The following HERC1 variants were observed in gnomAD, a reference collection of about 807,000 sequenced individuals.
HERC1 encodes probable E3 ubiquitin-protein ligase HERC1.
In HERC1, 160 loss-of-function variants were observed where a neutral mutation model predicts 554.3. That is an observed-to-expected ratio of 0.29 (90% CI 0.25 to 0.33). The LOEUF (loss-of-function observed/expected upper bound fraction) is 0.33. HERC1 is among the 10% of genes least tolerant of loss of function. The pLI is 1.00. For missense variants in HERC1, 4,919 were observed against 5,918.5 expected (o/e 0.83, Z 5.54); for synonymous variants, 2,175 against 2,131.7 (o/e 1.02, Z -0.56).
At position 63,680,879 on chromosome 15, in the gene HERC1, C is replaced by A; in HGVS notation, c.6226-103G>T. ...AATATGTTTATAAATAATACTAATG[C>A]ATTTATGGAAACATGTTATTTTCAG... On this transcript the variant is annotated intron_variant, in intron 34 of 77. Transcript: ENST00000443617. This position sits in a 1 kb window ranked among gnomAD's most constrained non-coding sequence, Gnocchi z 5.8. 1.4e-6 allele frequency: 1 copy of A among 701,690 alleles called. No homozygotes were observed. The highest frequency in any genetic ancestry group is 2.4e-6 in the Non-Finnish European group (1 of 421,430). 43.5% of individuals were successfully genotyped at this position (701,690 alleles called of 1,614,324 possible). A position where few individuals can be genotyped will look rare whatever the true frequency, so the allele number is the denominator to read the frequency against.
intron 14 of HERC1, among the ~76,000 whole-genome samples, chr15:63,730,777 C>A (rs1014114412): frequency 6.6e-6 from 1 of 152,176 alleles, no homozygotes; most frequent in African/African-American, 2.4e-5. Context: ...AGAGAGAGAA[C>A]AAATTTGGCT....
Position 63,677,947 on chromosome 15 carries a change from C to T in HERC1, c.6968G>A (p.Cys2323Tyr). The T allele has an allele frequency of 6.2e-7, 1 of 1,614,022 alleles. No individual in the cohort carries two copies. Among genetic ancestry groups the T allele is most frequent in the South Asian group, 1.1e-5 (1 of 91,084 alleles). ...ATGGCGCCCAGTTTGCTTGTGAACACACCGACCTCCAACTCTAAGACCAGC... is the reference window on the plus strand; with the variant it reads ...ATGGCGCCCAGTTTGCTTGTGAACATACCGACCTCCAACTCTAAGACCAGC... ...VDAGLRVGGR[C>Y]VHKQTGRHAT... Residue 2323 changes from cysteine to tyrosine, a missense_variant, in exon 37 of 78, where the codon TGT becomes TAT. By Grantham distance (194) the Cys-to-Tyr change is radical. Transcript: ENST00000443617. The surrounding 1 kb of genome is among the most constrained non-coding windows in gnomAD (Gnocchi z 4.4).
chr15:63,707,250 G>C (rs1050014549), intron 24 of HERC1, among the ~76,000 whole-genome samples: 1 of 152,100 alleles, frequency 6.6e-6, no homozygotes, highest in Non-Finnish European at 1.5e-5. Flanking sequence ...ACTAGCCTTC[G>C]CTAGGTGTTT....
chr15:63,740,719 T>C (rs1471612493), intron 12 of HERC1, among the ~76,000 whole-genome samples: 1 of 152,228 alleles, frequency 6.6e-6, no homozygotes, highest in Admixed American at 6.5e-5. Flanking sequence ...TTTTTTCTCT[T>C]CTCTAGAGAT....
At position 63,752,954 on chromosome 15, in the gene HERC1, C is replaced by A; in HGVS notation, c.1902+4G>T. ...AGTCTTTTATACTCATCCCTTAGTC[C>A]TACCTGCCCTGTTGATGTCAAAGCA... On this transcript the variant is annotated splice_donor_region_variant and intron_variant, in intron 8 of 77. Coordinates refer to ENST00000443617, the MANE Select transcript of HERC1 (RefSeq NM_003922.4). 1.2e-6 allele frequency: 2 copies of A among 1,612,918 alleles called. No homozygotes were observed.
chr15:63,700,158 C>T (rs968954129), intron 25 of HERC1, among the ~76,000 whole-genome samples: 4 of 151,818 alleles, frequency 2.6e-5, no homozygotes, highest in African/African-American at 7.3e-5. Flanking sequence ...TTTTAGTTGT[C>T]GTTGACTTTT....
At chr15:63,819,645 G>T (rs958026866) in intron 1 of HERC1, among the ~76,000 whole-genome samples, 6 of 152,118 alleles carry the variant, frequency 3.9e-5, no homozygotes, top group African/African-American at 1.4e-4. Flanking sequence ...AGAAATCAAA[G>T]CAATAGGTAG....
chr15:63,637,400 G>A, intron 64 of HERC1, 105 bp downstream of exon 64: 1 of 937,854 alleles, frequency 1.1e-6, no homozygotes, highest in South Asian at 1.7e-5. Context: ...GTGAAAACCT[G>A]ATATGATTTT....
In HERC1 at chr15:63,655,858, T is replaced by C. The variant is rs1445597205; in HGVS notation, c.9968A>G (p.Glu3323Gly). The C allele has an allele frequency of 6.2e-7, 1 of 1,609,888 alleles. No individual in the cohort carries two copies. The highest frequency in any genetic ancestry group is 8.5e-7 in the Non-Finnish European group (1 of 1,178,060). ...GTTTGGGGAGGTCACAAGCTTGTTC[T>C]CTTCAGCAATTCCTCGGAGAAAGCT... is the stretch of plus-strand genomic sequence containing the variant. ...LPSFLRGIAE[E>G]NKLVTSPNFV... Residue 3323 changes from glutamate to glycine, a missense_variant, in exon 50 of 78, where the codon GAG becomes GGG. Transcript: ENST00000443617.
chr15:63,635,211 CTATT>C (rs930739591), intron 65 of HERC1, among the ~76,000 whole-genome samples: 1 of 152,022 alleles, frequency 6.6e-6, no homozygotes, highest in Non-Finnish European at 1.5e-5. Flanking sequence ...CCACACCTGG[CTATT>C]TATTTCTATT....
chr15:63,678,398 G>A, intron 36 of HERC1, 33 bp from the exon 37 acceptor site: 4 of 1,521,758 alleles, frequency 2.6e-6, no homozygotes, highest in Non-Finnish European at 3.5e-6. Context: ...GAAAACACAT[G>A]CTATTAGTAG....
intron 1 of HERC1, among the ~76,000 whole-genome samples, chr15:63,803,293 T>C (rs1001812750): frequency 2.0e-5 from 3 of 152,190 alleles, no homozygotes; most frequent in South Asian, 2.1e-4. Flanking sequence ...AGAGGCTAAA[T>C]AGCCCAAGGT....
At chr15:63,799,528 G>C (rs996463464) in intron 1 of HERC1, among the ~76,000 whole-genome samples, 1 of 151,432 alleles carries the variant, frequency 6.6e-6, no homozygotes, top group Non-Finnish European at 1.5e-5. Flanking sequence ...AAAAGAAAAA[G>C]AAAAATATTG....
intron 1 of HERC1, chr15:63,779,930 CT>C (rs2076235712): frequency 6.8e-6 from 1 of 147,908 alleles, no homozygotes; most frequent in Non-Finnish European, 1.5e-5. Context: ...AGGAGAATCG[CT>C]CGAACCCGGG....
chr15:63,828,294 G>T (rs2078010558), intron 1 of HERC1, among the ~76,000 whole-genome samples: 1 of 151,772 alleles, frequency 6.6e-6, no homozygotes, highest in South Asian at 2.1e-4. Context: ...GGATGGAAAT[G>T]AGATAGTAAA....
At chr15:63,726,292 C>T (rs1441832621) in intron 17 of HERC1, among the ~76,000 whole-genome samples, 4 of 152,072 alleles carry the variant, frequency 2.6e-5, no homozygotes, top group African/African-American at 4.8e-5. Context: ...CAGATCCATG[C>T]TTTTTTATTG....
intron 1 of HERC1, among the ~76,000 whole-genome samples, chr15:63,825,653 T>C (rs1364075517): frequency 1.3e-5 from 2 of 152,182 alleles, no homozygotes; most frequent in Admixed American, 1.3e-4. Flanking sequence ...CAAAGGTGAT[T>C]GTACTTTAAG....
intron 12 of HERC1, among the ~76,000 whole-genome samples, chr15:63,744,405 A>G (rs2074975961): frequency 2.0e-5 from 3 of 152,178 alleles, no homozygotes; most frequent in African/African-American, 7.2e-5. Flanking sequence ...TGGCAAAGCC[A>G]GCCAGGCCGT....
chr15:63,825,972 A>T (rs1276677926), intron 1 of HERC1, among the ~76,000 whole-genome samples: 3 of 152,042 alleles, frequency 2.0e-5, no homozygotes, highest in Non-Finnish European at 4.4e-5. Flanking sequence ...CATGTTGGCC[A>T]GGCTGGTCTC....
Sources: gnomAD v4.1 joint callset for allele counts (sites outside exome capture counted in the v4.1 genomes callset) on GRCh38, gnomAD v4.1.1 for gene constraint, Gnocchi (gnomAD v3.1) non-coding constraint, MANE v1.5 for transcripts, NCBI Gene and HGNC (gene_info 2026-07-23, HGNC 2026-07-21) for gene names.